Variants in CPED1 observed in about 807,000 individuals in gnomAD.
CPED1 encodes the protein cadherin like and PC-esterase domain containing 1, also known as cadherin-like and PC-esterase domain-containing protein 1.
A neutral mutation model predicts 128.2 loss-of-function variants in CPED1; 114 were observed. The observed-to-expected ratio is 0.89, with a 90% CI of 0.76 to 1.04. The LOEUF (loss-of-function observed/expected upper bound fraction) is 1.04. Ranked by LOEUF, CPED1 falls within the 50% of genes least tolerant of loss-of-function variation. The pLI, the probability that CPED1 is intolerant of heterozygous loss-of-function variation, is 0.00. For synonymous variants in CPED1, 462 were observed against 426.7 expected, an observed-to-expected ratio of 1.08 and a Z score of -1.02; for missense variants, 1,211 against 1,207.1, an observed-to-expected ratio of 1.00 and a Z score of -0.05.
chr7:121,061,818 A>T (rs896936710), intron 4 of CPED1, among the ~76,000 whole-genome samples: 3 of 152,232 alleles, frequency 2.0e-5, no homozygotes, highest in Non-Finnish European at 4.4e-5. Flanking sequence ...TTTAACAATT[A>T]AAAAGTTATA....
intron 15 of CPED1, 32 bp downstream of exon 15, chr7:121,141,045 C>T: frequency 1.3e-6 from 2 of 1,560,126 alleles, no homozygotes; most frequent in South Asian, 2.4e-5. Flanking sequence ...TGTGTTGAGA[C>T]ACTATACTGG....
intron 18 of CPED1, among the ~76,000 whole-genome samples, chr7:121,259,880 T>G (rs1791971033): frequency 6.6e-6 from 1 of 152,050 alleles, no homozygotes. Context: ...GGAATGTAAC[T>G]TAAATTTTTA....
chr7:121,089,587 T>C (rs560553243), intron 5 of CPED1, among the ~76,000 whole-genome samples: 7 of 152,218 alleles, frequency 4.6e-5, no homozygotes, highest in South Asian at 2.1e-4. Context: ...ATCACTGTTA[T>C]AGGGTTCTAG....
intron 10 of CPED1, among the ~76,000 whole-genome samples, chr7:121,127,769 C>T (rs1308069926): frequency 1.3e-5 from 2 of 151,804 alleles, no homozygotes; most frequent in African/African-American, 4.8e-5. Context: ...CTCCTGACCT[C>T]GTGATCCGCC....
intron 16 of CPED1, among the ~76,000 whole-genome samples, chr7:121,217,387 C>T (rs1252734563): frequency 6.6e-6 from 1 of 152,010 alleles, no homozygotes; most frequent in East Asian, 1.9e-4. Context: ...ATATTTGCAT[C>T]TAGACAGCTC....
At chr7:121,082,643 A>C (rs1794321898) in intron 5 of CPED1, among the ~76,000 whole-genome samples, 1 of 152,212 alleles carries the variant, frequency 6.6e-6, no homozygotes, top group Admixed American at 6.5e-5. Flanking sequence ...AACCATCTAT[A>C]GGATAACCAT....
intron 3 of CPED1, among the ~76,000 whole-genome samples, chr7:121,033,401 A>G (rs1471262728): frequency 6.6e-6 from 1 of 152,184 alleles, no homozygotes; most frequent in East Asian, 1.9e-4. Context: ...CATCACCTAG[A>G]TGTCGGATTT....
At chr7:121,196,438 A>T (rs1249518661) in intron 16 of CPED1, among the ~76,000 whole-genome samples, 1 of 152,062 alleles carries the variant, frequency 6.6e-6, no homozygotes, top group African/African-American at 2.4e-5. Flanking sequence ...AAACCCATAA[A>T]ACTCTCTTCT....
intron 5 of CPED1, among the ~76,000 whole-genome samples, chr7:121,070,237 ATAGT>A (rs1462012120): frequency 2.6e-5 from 4 of 151,044 alleles, no homozygotes; most frequent in African/African-American, 4.8e-5. Context: ...TTGACCAATA[ATAGT>A]TATTTATTTT....
chr7:121,172,217 C>CTTA (rs1231558412), intron 16 of CPED1, among the ~76,000 whole-genome samples: 1 of 152,100 alleles, frequency 6.6e-6, no homozygotes, highest in East Asian at 1.9e-4. Flanking sequence ...TAATCGGTAT[C>CTTA]TTATAGCTTG....
chr7:121,107,279 A>G (rs529132973), intron 7 of CPED1, among the ~76,000 whole-genome samples: 1 of 152,230 alleles, frequency 6.6e-6, no homozygotes. Context: ...TAACTTTTTC[A>G]TCACTGTGGT....
intron 22 of CPED1, among the ~76,000 whole-genome samples, chr7:121,286,413 A>T (rs1053586655): frequency 1.3e-5 from 2 of 152,196 alleles, no homozygotes; most frequent in African/African-American, 4.8e-5. Context: ...CAGTGTCATA[A>T]CTAAACAAGC....
intron 21 of CPED1, among the ~76,000 whole-genome samples, chr7:121,270,709 T>A (rs1290384423): frequency 1.3e-5 from 2 of 152,088 alleles, no homozygotes; most frequent in African/African-American, 4.8e-5. Context: ...TTTTCTGGGT[T>A]CTCTGTTCTC....
chr7:121,207,103 A>G (rs1797535829), intron 16 of CPED1, among the ~76,000 whole-genome samples: 2 of 152,006 alleles, frequency 1.3e-5, no homozygotes, highest in African/African-American at 4.8e-5. Context: ...AAATGACTAC[A>G]TAATATTTCA....
intron 16 of CPED1, among the ~76,000 whole-genome samples, chr7:121,148,391 C>T (rs1796076250): frequency 6.6e-6 from 1 of 152,166 alleles, no homozygotes; most frequent in Non-Finnish European, 1.5e-5. Context: ...GGCACTTTAC[C>T]TTCTTGCCTT....
intron 22 of CPED1, among the ~76,000 whole-genome samples, chr7:121,290,078 T>G (rs1792663586): frequency 6.6e-6 from 1 of 152,156 alleles, no homozygotes; most frequent in African/African-American, 2.4e-5. Context: ...GTTCCTGTGT[T>G]AGTTTGCTGA....
At chr7:121,156,556 C>T (rs1258263574) in intron 16 of CPED1, among the ~76,000 whole-genome samples, 5 of 151,910 alleles carry the variant, frequency 3.3e-5, no homozygotes. Flanking sequence ...GAACTGGAGG[C>T]CATTATATTA....
chr7:120,998,400 G>C (rs1434468431), intron 2 of CPED1, among the ~76,000 whole-genome samples: 18 of 152,072 alleles, frequency 1.2e-4, no homozygotes, highest in Admixed American at 1.1e-3. Flanking sequence ...CCTGAATATG[G>C]ATATATTATC....
intron 20 of CPED1, 59 bp from the exon 21 acceptor site, chr7:121,267,156 C>T: frequency 2.1e-6 from 2 of 937,964 alleles, no homozygotes; most frequent in Non-Finnish European, 3.3e-6. Context: ...ATATAAACAA[C>T]AAACATCTAG....
Sources: gnomAD v4.1 joint callset for allele counts (sites outside exome capture counted in the v4.1 genomes callset) on GRCh38, gnomAD v4.1.1 for gene constraint, MANE v1.5 for transcripts, NCBI Gene and HGNC (gene_info 2026-07-23, HGNC 2026-07-21) for gene names.